Variants in ACVR1 observed in about 807,000 individuals in gnomAD.
ACVR1 encodes activin A receptor type 1, also known as activin receptor type-1.
Under a neutral mutation model 57.1 loss-of-function variants are expected in ACVR1, and 38 were observed. The observed-to-expected ratio is 0.67, with a 90% confidence interval of 0.51 to 0.87. ACVR1 has a LOEUF of 0.87. Among genes scored for constraint, ACVR1 ranks in the 40% least tolerant of loss-of-function variants. ACVR1 has a pLI of 0.00. For synonymous variants in ACVR1, 212 were observed against 228.1 expected, an observed-to-expected ratio of 0.93 and a Z score of 0.63; for missense variants, 463 against 638.2, an observed-to-expected ratio of 0.73 and a Z score of 2.96.
At chr2:157,788,051 A>C (rs1023689672) in intron 3 of ACVR1, among the ~76,000 whole-genome samples, 4 of 152,162 alleles carry the variant, frequency 2.6e-5, no homozygotes, top group Non-Finnish European at 5.9e-5. Flanking sequence ...CAGGGCTCCA[A>C]TTTGTTTAAC....
intron 2 of ACVR1, 52 bp from the exon 3 acceptor site, chr2:157,799,552 G>T: frequency 1.4e-6 from 2 of 1,428,374 alleles, no homozygotes; most frequent in East Asian, 2.3e-5. Flanking sequence ...CTAACTGCAG[G>T]AAGACAAATT....
chr2:157,778,581 A>T (rs1388059169), intron 4 of ACVR1, among the ~76,000 whole-genome samples: 1 of 152,226 alleles, frequency 6.6e-6, no homozygotes. Context: ...GCATTAATGT[A>T]TGAATGTGAG....
At chr2:157,837,577 C>T (rs1490053987) in intron 1 of ACVR1, among the ~76,000 whole-genome samples, 1 of 152,170 alleles carries the variant, frequency 6.6e-6, no homozygotes, top group African/African-American at 2.4e-5. Flanking sequence ...TGATAAGTGA[C>T]TGTTCTGTCA....
In ACVR1 at chr2:157,761,000, T is replaced by C. The variant is rs1237577558; in HGVS notation, c.1144A>G (p.Met382Val). The C allele has an allele frequency of 6.2e-7, 1 of 1,614,076 alleles. No homozygotes were observed. The highest frequency in any genetic ancestry group is 1.1e-5 in the South Asian group (1 of 91,076). ...GTTTCATCTAGAACTTCGGGGGCCA[T>C]GTAGCGCTTGGTGCCCACACGGGGA... is the stretch of plus-strand genomic sequence containing the variant. ...NNPRVGTKRY[M>V]APEVLDETIQ... Residue 382 changes from methionine (M) to valine (V), a missense_variant, in exon 9 of 11, where the codon ATG becomes GTG. By Grantham distance (21) the Met-to-Val change is conservative. Transcript: ENST00000434821.
At chr2:157,832,152 A>AT (rs1688602010) in intron 1 of ACVR1, among the ~76,000 whole-genome samples, 1 of 152,132 alleles carries the variant, frequency 6.6e-6, no homozygotes, top group Non-Finnish European at 1.5e-5. Context: ...CTTCCCAGGC[A>AT]TTGGTATCTT....
chr2:157,757,828 A>G (rs1328393783), intron 9 of ACVR1, among the ~76,000 whole-genome samples: 2 of 151,842 alleles, frequency 1.3e-5, no homozygotes, highest in Admixed American at 6.6e-5. Context: ...AGCAGACACA[A>G]AAATGAGAAG....
At chr2:157,863,367 T>TTTG (rs70990611) in intron 1 of ACVR1, among the ~76,000 whole-genome samples, 2 of 118,664 alleles carry the variant, frequency 1.7e-5, no homozygotes, top group Non-Finnish European at 1.7e-5. Flanking sequence ...TTTTTTTTTT[T>TTTG]GCTACTCTAC....
chr2:157,863,336 C>CTCTTTTT (rs1689795689), intron 1 of ACVR1, among the ~76,000 whole-genome samples: 2 of 35,674 alleles, frequency 5.6e-5, no homozygotes, highest in Non-Finnish European at 9.6e-5. Context: ...AATTGTTTCT[C>CTCTTTTT]TTTTTTTTTT....
chr2:157,806,744 G>A (rs1414430919), intron 2 of ACVR1: 2 of 152,226 alleles, frequency 1.3e-5, no homozygotes, highest in East Asian at 3.8e-4. Context: ...TACCATGTAA[G>A]TTAAGTCAGG....
chr2:157,874,645 T>C (rs1191239189), intron 1 of ACVR1, among the ~76,000 whole-genome samples: 1 of 152,166 alleles, frequency 6.6e-6, no homozygotes, highest in Non-Finnish European at 1.5e-5. Context: ...GTGGTGTCTA[T>C]TTTTTGCCAC....
intron 9 of ACVR1, among the ~76,000 whole-genome samples, chr2:157,741,223 TG>T (rs1288603551): frequency 1.3e-5 from 2 of 152,212 alleles, no homozygotes; most frequent in African/African-American, 4.8e-5. Flanking sequence ...CTTTGTACCT[TG>T]AAAGGCAAAA....
chr2:157,811,373 C>T (rs896564479), intron 2 of ACVR1, among the ~76,000 whole-genome samples: 8 of 152,086 alleles, frequency 5.3e-5, no homozygotes, highest in Middle Eastern at 3.2e-3. Flanking sequence ...TTCCCCACTC[C>T]CTGTCTATTC....
At chr2:157,745,018 T>C (rs562023029) in intron 9 of ACVR1, among the ~76,000 whole-genome samples, 36 of 152,370 alleles carry the variant, frequency 2.4e-4, no homozygotes, top group African/African-American at 8.7e-4. Flanking sequence ...CCATTGTAAT[T>C]CATGGGCTTA....
Position 157,758,925 on chromosome 2 carries a change from T to C in ACVR1, c.1264+1955A>G, listed in dbSNP as rs1020639448. Among the ~76,000 whole-genome samples, 2 of 151,392 alleles carry C rather than the reference T, an allele frequency of 1.3e-5. 1 individual carries two copies. The highest frequency in any genetic ancestry group is 3.0e-5 in the Non-Finnish European group (2 of 67,748). ...GTCAATGAAGAAATTAAGAAGGAAA[T>C]AAAAAAAATTCTTGAAACAAATAAA... is the stretch of plus-strand genomic sequence containing the variant. On this transcript the variant is annotated intron_variant, in intron 9 of 10. Coordinates refer to ENST00000434821, the MANE Select transcript of ACVR1 (RefSeq NM_001111067.4).
At chr2:157,756,541 A>G (rs1268090353) in intron 9 of ACVR1, among the ~76,000 whole-genome samples, 5 of 152,166 alleles carry the variant, frequency 3.3e-5, no homozygotes, top group African/African-American at 1.2e-4. Flanking sequence ...ATGGTCAACA[A>G]ACATATTTTA....
At chr2:157,741,588 G>T (rs1684769199) in intron 9 of ACVR1, among the ~76,000 whole-genome samples, 1 of 150,910 alleles carries the variant, frequency 6.6e-6, no homozygotes, top group South Asian at 2.1e-4. Context: ...TAGTGCCACT[G>T]CACTATAGCC....
At chr2:157,746,880 G>T (rs1684986561) in intron 9 of ACVR1, among the ~76,000 whole-genome samples, 1 of 152,168 alleles carries the variant, frequency 6.6e-6, no homozygotes, top group South Asian at 2.1e-4. Context: ...ACACTATTGA[G>T]AAATGCTCAG....
At chr2:157,834,339 T>C (rs771858766) in intron 1 of ACVR1, among the ~76,000 whole-genome samples, 2 of 152,128 alleles carry the variant, frequency 1.3e-5, no homozygotes, top group Non-Finnish European at 2.9e-5. Flanking sequence ...GTGATCTGCC[T>C]GCCTCGGCCT....
At chr2:157,841,952 G>A (rs546955505) in intron 1 of ACVR1, among the ~76,000 whole-genome samples, 20 of 150,978 alleles carry the variant, frequency 1.3e-4, no homozygotes, top group East Asian at 5.9e-4. Context: ...GCATGAACCC[G>A]GGAGGCAGAG....
Sources: gnomAD v4.1 joint callset for allele counts (sites outside exome capture counted in the v4.1 genomes callset) on GRCh38, gnomAD v4.1.1 for gene constraint, MANE v1.5 for transcripts, NCBI Gene and HGNC (gene_info 2026-07-23, HGNC 2026-07-21) for gene names.